TADA2A: variants seen among roughly 807,000 people sequenced by gnomAD.
TADA2A encodes transcriptional adaptor 2A.
TADA2A carries 38 observed loss-of-function variants against 67.4 expected under a neutral mutation model. That is an observed-to-expected ratio of 0.56 (90% confidence interval 0.44 to 0.74). The LOEUF (loss-of-function observed/expected upper bound fraction) is 0.74, where lower values mean the gene tolerates loss of function less well. Ranked by LOEUF, TADA2A falls within the 30% of genes least tolerant of loss-of-function variation. TADA2A has a pLI of 0.00. For synonymous variants in TADA2A, 192 were observed against 181.6 expected, an observed-to-expected ratio of 1.06 and a Z score of -0.46; for missense variants, 454 against 547.0, an observed-to-expected ratio of 0.83 and a Z score of 1.70.
At chr17:37,435,396 C>T (rs1180363496) in intron 4 of TADA2A, among the ~76,000 whole-genome samples, 1 of 152,176 alleles carries the variant, frequency 6.6e-6, no homozygotes, top group Non-Finnish European at 1.5e-5. Flanking sequence ...TCACGCCATT[C>T]TCCTGCCTCA....
At chr17:37,470,274 T>A in intron 12 of TADA2A, 126 bp from the exon 13 acceptor site, 2 of 1,105,734 alleles carry the variant, frequency 1.8e-6, no homozygotes, top group Non-Finnish European at 2.6e-6. Context: ...GAAATAATTG[T>A]GAAAGCAGTT....
chr17:37,419,172 CT>C (rs376392960), intron 2 of TADA2A, among the ~76,000 whole-genome samples: 12 of 140,120 alleles, frequency 8.6e-5, no homozygotes, highest in South Asian at 4.7e-4. Flanking sequence ...AAAGTAATTG[CT>C]TTTTTTTTTC....
intron 14 of TADA2A, among the ~76,000 whole-genome samples, chr17:37,472,595 G>T (rs2053813082): frequency 6.6e-6 from 1 of 151,526 alleles, no homozygotes; most frequent in African/African-American, 2.4e-5. Context: ...AGTGGCTCAT[G>T]CCTGTAATCC....
intron 2 of TADA2A, among the ~76,000 whole-genome samples, chr17:37,413,757 C>A (rs1235283527): frequency 6.6e-6 from 1 of 152,044 alleles, no homozygotes; most frequent in East Asian, 1.9e-4. Flanking sequence ...CCCCCCCACC[C>A]CCTGCCAAAT....
chr17:37,443,340 A>G (rs2052978398), intron 7 of TADA2A, among the ~76,000 whole-genome samples: 1 of 149,184 alleles, frequency 6.7e-6, no homozygotes. Flanking sequence ...TGCAACCTCC[A>G]CTTCCTGGGT....
intron 8 of TADA2A, among the ~76,000 whole-genome samples, chr17:37,447,053 C>G (rs1446455553): frequency 6.6e-6 from 1 of 152,200 alleles, no homozygotes; most frequent in Non-Finnish European, 1.5e-5. Flanking sequence ...TGAGCTATAA[C>G]TGGAACTTAT....
intron 8 of TADA2A, among the ~76,000 whole-genome samples, chr17:37,445,468 G>A (rs1028924823): frequency 3.3e-5 from 5 of 152,186 alleles, no homozygotes; most frequent in Non-Finnish European, 7.3e-5. Flanking sequence ...GTTTCGCCAT[G>A]TTGGCCAGGC....
chr17:37,446,597 C>T, intron 8 of TADA2A, among the ~76,000 whole-genome samples: 1 of 109,082 alleles, frequency 9.2e-6, no homozygotes. Context: ...GACCCTGTCT[C>T]TAAAAAAAAA....
chr17:37,432,158 TTTTA>T (rs888559605), intron 4 of TADA2A, among the ~76,000 whole-genome samples: 36 of 146,848 alleles, frequency 2.5e-4, no homozygotes, highest in African/African-American at 8.8e-4. Flanking sequence ...CACTCAGCTT[TTTTA>T]TTTATTTATT....
intron 7 of TADA2A, among the ~76,000 whole-genome samples, chr17:37,444,098 G>A (rs1039846606): frequency 2.0e-5 from 3 of 151,626 alleles, no homozygotes; most frequent in Admixed American, 6.6e-5. Flanking sequence ...AAAAAAACCC[G>A]AAACCAAAAA....
At chr17:37,467,400 T>C in intron 11 of TADA2A, 54 bp from the exon 12 acceptor site, 1 of 1,472,806 alleles carries the variant, frequency 6.8e-7, no homozygotes. Context: ...AAGTGCTCAC[T>C]AATGTTGCTT....
intron 5 of TADA2A, among the ~76,000 whole-genome samples, chr17:37,438,610 T>C (rs1403922760): frequency 6.6e-6 from 1 of 152,234 alleles, no homozygotes; most frequent in African/African-American, 2.4e-5. Flanking sequence ...GCCTCCCTTA[T>C]GTCCAGGGAC....
chr17:37,434,071 A>G lies in TADA2A; in HGVS notation c.193-3667A>G, dbSNP rs376488860. On this transcript the variant is annotated intron_variant, in intron 4 of 15. Transcript: ENST00000615182. ...ATGTCCTTTTCTGTTGCAGGATCCA[A>G]TTGGGGATCCCACATTGCATTTAGT... is the stretch of plus-strand genomic sequence containing the variant. Among the ~76,000 whole-genome samples the G allele has an allele frequency of 2.2e-4, 34 of 152,342 alleles. No homozygotes were observed. The South Asian group carries it at 6.0e-3, about 27-fold the overall frequency.
intron 8 of TADA2A, among the ~76,000 whole-genome samples, chr17:37,455,371 TG>T (rs574251954): frequency 2.6e-4 from 22 of 85,832 alleles, no homozygotes; most frequent in Non-Finnish European, 4.3e-4. Context: ...TTTTTTTGTT[TG>T]TTTGTTTGTT....
rs576235266 is a variant in TADA2A, at chr17:37,423,618, A to G, written c.132+3A>G. 2 of 1,607,120 alleles carry G rather than the reference A, an allele frequency of 1.2e-6. No individual in the cohort carries two copies. Among genetic ancestry groups the G allele is most frequent in the Admixed American group, 3.4e-5 (2 of 58,592 alleles). ...CTCCTTTTTTCCTCTGCTTGCAGGT[A>G]ACTCACTAATGCTGGCTTCTCCTAG... On this transcript the variant is annotated splice_donor_region_variant and intron_variant, in intron 3 of 15. Transcript: ENST00000615182.
At chr17:37,459,769 CT>C (rs2148018727) in intron 9 of TADA2A, among the ~76,000 whole-genome samples, 1 of 151,210 alleles carries the variant, frequency 6.6e-6, no homozygotes, top group African/African-American at 2.4e-5. Flanking sequence ...ATTTTAAAAC[CT>C]TTTTCTTTTT....
intron 4 of TADA2A, among the ~76,000 whole-genome samples, chr17:37,436,779 A>G (rs1814160330): frequency 6.7e-6 from 1 of 149,948 alleles, no homozygotes. Flanking sequence ...CCCCATAGTA[A>G]CCTTTTTTTT....
rs1317463559 is a variant in TADA2A, at chr17:37,462,599, TC to T, written c.712+480del. On this transcript the variant is annotated intron_variant, in intron 10 of 15. Coordinates refer to ENST00000615182, the MANE Select transcript of TADA2A (RefSeq NM_001166105.3). ...GTGAGCCGAGATCACGCCAGTGCAC[TC>T]CAGCCTGGGCGATAGAGCAAGACTT... Among the ~76,000 whole-genome samples the T allele has an allele frequency of 7.5e-3, 1,135 of 152,266 alleles. 6 individuals carry two copies. Among genetic ancestry groups the T allele is most frequent in the African/African-American group, 0.026 (1,062 of 41,552 alleles).
chr17:37,461,357 A>G (rs117966912), intron 9 of TADA2A, among the ~76,000 whole-genome samples: 326 of 152,188 alleles, frequency 2.1e-3, no homozygotes, highest in Non-Finnish European at 2.0e-3. Context: ...TCTAAAGTAA[A>G]ACTTACTCTC....
Sources: gnomAD v4.1 joint callset for allele counts (sites outside exome capture counted in the v4.1 genomes callset) on GRCh38, gnomAD v4.1.1 for gene constraint, MANE v1.5 for transcripts, NCBI Gene and HGNC (gene_info 2026-07-23, HGNC 2026-07-21) for gene names.